The following UGT1A6 variants were observed in gnomAD, a reference collection of about 807,000 sequenced individuals.
The protein encoded by UGT1A6 is UDP glucuronosyltransferase family 1 member A6.
A neutral mutation model predicts 44.4 loss-of-function variants in UGT1A6; 32 were observed. The ratio of observed to expected loss-of-function variants is 0.72; its 90% CI spans 0.54 to 0.97. The LOEUF (loss-of-function observed/expected upper bound fraction) is 0.97. Among genes scored for constraint, UGT1A6 ranks in the 50% least tolerant of loss-of-function variants. The pLI is 0.00. For synonymous variants in UGT1A6, 238 were observed against 248.5 expected, an observed-to-expected ratio of 0.96 and a Z score of 0.40; for missense variants, 685 against 661.9, an observed-to-expected ratio of 1.03 and a Z score of -0.38.
chr2:233,693,594 C>G lies in UGT1A6; in HGVS notation c.590C>G (p.Thr197Arg). The change falls in exon 1 of 5, where the codon ACA (threonine) becomes AGA (arginine). Residue 197 changes from threonine to arginine, a missense_variant. Coordinates refer to ENST00000305139, the MANE Select transcript of UGT1A6 (RefSeq NM_001072.4). ...GTGTCCTACATTCCCAGGTGCTACA[C>G]AAAGTTTTCAGACCACATGACTTTT... Reference protein sequence around the residue: ...DPVSYIPRCYTKFSDHMTFSQ... With the variant: ...DPVSYIPRCYRKFSDHMTFSQ... 5 of 1,614,202 alleles carry G rather than the reference C, an allele frequency of 3.1e-6. No homozygotes were observed. Among genetic ancestry groups the G allele is most frequent in the Non-Finnish European group, 4.2e-6 (5 of 1,180,024 alleles).
chr2:233,711,237 C>G (rs1027973680), intron 1 of UGT1A6, among the ~76,000 whole-genome samples: 6 of 152,218 alleles, frequency 3.9e-5, no homozygotes, highest in Admixed American at 3.9e-4. Context: ...GAAGGCACCA[C>G]CATCTTCCAA....
At chr2:233,719,343 T>A (rs532530633) in intron 1 of UGT1A6, 40 of 1,613,928 alleles carry the variant, frequency 2.5e-5, no homozygotes, top group Middle Eastern at 1.7e-4. Flanking sequence ...TTTTTGGAGG[T>A]ACATTCCATG....
intron 1 of UGT1A6, among the ~76,000 whole-genome samples, chr2:233,726,499 G>A (rs2077536010): frequency 6.6e-6 from 1 of 151,996 alleles, no homozygotes; most frequent in Non-Finnish European, 1.5e-5. Context: ...TATTAATTTT[G>A]GAATTTCATG....
intron 1 of UGT1A6, among the ~76,000 whole-genome samples, chr2:233,751,532 C>T (rs1375355946): frequency 6.6e-6 from 1 of 152,214 alleles, no homozygotes; most frequent in Non-Finnish European, 1.5e-5. Context: ...TATGGTTTGA[C>T]TCTGTGTTTC....
chr2:233,772,912 C>A lies in UGT1A6; in HGVS notation c.*353C>A. 2.6e-6 allele frequency: 1 copy of A among 388,966 alleles called. No individual in the cohort carries two copies. The highest frequency in any genetic ancestry group is 4.5e-6 in the Non-Finnish European group (1 of 221,770). The allele number at this position is 388,966 out of a possible 1,614,324, so 24.1% of individuals were successfully genotyped here. ...GGTGGTCCCACGGCTGCCCCTACTGCAAATGGCAGTTTTAATCTTATCTTT... is the reference window on the plus strand; with the variant it reads ...GGTGGTCCCACGGCTGCCCCTACTGAAAATGGCAGTTTTAATCTTATCTTT... On this transcript the variant is annotated 3_prime_UTR_variant, in exon 5 of 5. Coordinates refer to ENST00000305139, the MANE Select transcript of UGT1A6 (RefSeq NM_001072.4).
chr2:233,729,312 C>T, intron 1 of UGT1A6: 1 of 1,614,236 alleles, frequency 6.2e-7, no homozygotes, highest in South Asian at 1.1e-5. Context: ...TGGTCCTCAC[C>T]CCAGAGGTGA....
intron 1 of UGT1A6, chr2:233,760,610 G>C: frequency 1.2e-6 from 2 of 1,614,182 alleles, no homozygotes; most frequent in Non-Finnish European, 1.7e-6. Context: ...TTCCTGCAGC[G>C]TGTGATCAAA....
chr2:233,694,889 T>C (rs2075246653), intron 1 of UGT1A6, among the ~76,000 whole-genome samples: 1 of 152,252 alleles, frequency 6.6e-6, no homozygotes, highest in Non-Finnish European at 1.5e-5. Context: ...GGGGGGTTCA[T>C]GTGATATTTT....
At chr2:233,746,798 G>A (rs1477118047) in intron 1 of UGT1A6, among the ~76,000 whole-genome samples, 2 of 151,768 alleles carry the variant, frequency 1.3e-5, no homozygotes, top group East Asian at 1.9e-4. Context: ...ATTCATGAGC[G>A]TGAATGTGGA....
chr2:233,702,785 G>A (rs1179853330), intron 1 of UGT1A6, among the ~76,000 whole-genome samples: 1 of 152,106 alleles, frequency 6.6e-6, no homozygotes, highest in Admixed American at 6.5e-5. Flanking sequence ...AGGTGTAAAC[G>A]AACCTTGTAT....
chr2:233,743,808 C>T (rs2125856217), intron 1 of UGT1A6: 1 of 1,367,328 alleles, frequency 7.3e-7, no homozygotes, highest in South Asian at 1.1e-5. Flanking sequence ...TCCTTGTTCT[C>T]AGGGTTTTTG....
chr2:233,714,792 G>A (rs1347509231), intron 1 of UGT1A6, among the ~76,000 whole-genome samples: 5 of 152,156 alleles, frequency 3.3e-5, no homozygotes, highest in Non-Finnish European at 7.3e-5. Context: ...CACATTTCAA[G>A]TGCTCAATAT....
At chr2:233,763,134 A>G (rs1698246018) in intron 1 of UGT1A6, among the ~76,000 whole-genome samples, 1 of 152,210 alleles carries the variant, frequency 6.6e-6, no homozygotes, top group African/African-American at 2.4e-5. Flanking sequence ...GCATTTATTG[A>G]TATAACCATA....
chr2:233,760,179 T>C (rs2125979771), intron 1 of UGT1A6: 1 of 1,547,106 alleles, frequency 6.5e-7, no homozygotes, highest in South Asian at 1.2e-5. Flanking sequence ...TGACAGCTTT[T>C]TATAGTCACG....
intron 1 of UGT1A6, among the ~76,000 whole-genome samples, chr2:233,757,279 A>T (rs1159492481): frequency 7.8e-6 from 1 of 127,878 alleles, no homozygotes; most frequent in Admixed American, 8.4e-5. Context: ...GCAATGATTC[A>T]GAAGGGACAG....
intron 4 of UGT1A6, 25 bp downstream of exon 4, chr2:233,768,464 A>G (rs902987402): frequency 1.9e-6 from 3 of 1,606,818 alleles, no homozygotes; most frequent in Non-Finnish European, 2.6e-6. Flanking sequence ...ACAGAAGAAT[A>G]CTTTGGTCAT....
chr2:233,732,960 T>C (rs2078342290), intron 1 of UGT1A6, among the ~76,000 whole-genome samples: 1 of 152,142 alleles, frequency 6.6e-6, no homozygotes, highest in South Asian at 2.1e-4. Context: ...TGTTCTTCCA[T>C]TTGTTTGTGT....
intron 1 of UGT1A6, among the ~76,000 whole-genome samples, chr2:233,733,323 T>C (rs921178929): frequency 2.6e-5 from 4 of 152,220 alleles, no homozygotes; most frequent in African/African-American, 9.6e-5. Flanking sequence ...CTGATTGCCC[T>C]GGCCAGAACT....
chr2:233,701,208 T>G (rs111659541), intron 1 of UGT1A6, among the ~76,000 whole-genome samples: 41 of 152,260 alleles, frequency 2.7e-4, no homozygotes, highest in African/African-American at 9.2e-4. Context: ...ATAGCAGCAT[T>G]ATTTATAATC....
Sources: allele counts gnomAD v4.1 joint callset (sites outside exome capture counted in the v4.1 genomes callset), GRCh38; gene constraint gnomAD v4.1.1; transcripts MANE v1.5; gene names NCBI Gene and HGNC (gene_info 2026-07-23, HGNC 2026-07-21).